Variants in VPS13D observed in about 807,000 individuals in gnomAD.
VPS13D encodes intermembrane lipid transfer protein VPS13D.
VPS13D carries 187 observed loss-of-function variants against 461.9 expected under a neutral mutation model. That is an observed-to-expected ratio of 0.40 (90% CI 0.36 to 0.46). VPS13D has a LOEUF of 0.46. Ranked by LOEUF, VPS13D falls within the 20% of genes least tolerant of loss-of-function variation. The pLI is 0.60. For missense variants in VPS13D, 4,711 were observed against 5,364.9 expected (o/e 0.88, Z 3.81); for synonymous variants, 1,951 against 1,986.3 (o/e 0.98, Z 0.47).
intron 45 of VPS13D, 81 bp downstream of exon 45, chr1:12,349,054 A>G (rs1643739269): frequency 1.2e-6 from 2 of 1,609,076 alleles, no homozygotes; most frequent in African/African-American, 1.3e-5. Context: ...CCCCAGTGGT[A>G]TCTTCCCCAG....
chr1:12,342,365 A>C (rs1323905209), intron 41 of VPS13D, among the ~76,000 whole-genome samples: 1 of 152,178 alleles, frequency 6.6e-6, no homozygotes, highest in African/African-American at 2.4e-5. Context: ...AACAAAGGAG[A>C]CTTTACCTAA....
chr1:12,327,350 A>G (rs1023498940), intron 35 of VPS13D, among the ~76,000 whole-genome samples: 7 of 152,118 alleles, frequency 4.6e-5, no homozygotes, highest in Non-Finnish European at 8.8e-5. Flanking sequence ...GTAGAGAGGG[A>G]TGGCTTCCTG....
chr1:12,383,187 C>T (rs767858316), intron 58 of VPS13D, 32 bp downstream of exon 58: 3 of 1,580,502 alleles, frequency 1.9e-6, no homozygotes, highest in Non-Finnish European at 2.6e-6. Flanking sequence ...TGATGTGAAA[C>T]TCTGTACTTC....
At chr1:12,256,801 A>G (rs575015069) in intron 8 of VPS13D, among the ~76,000 whole-genome samples, 186 bp from the exon 9 acceptor site, 1 of 151,412 alleles carries the variant, frequency 6.6e-6, no homozygotes, top group Non-Finnish European at 1.5e-5. Context: ...ACGGCAATGT[A>G]TAGGCTTAAC....
intron 65 of VPS13D, among the ~76,000 whole-genome samples, chr1:12,421,133 T>C (rs1011287178): frequency 1.3e-5 from 2 of 152,198 alleles, no homozygotes; most frequent in African/African-American, 4.8e-5. Flanking sequence ...TGCCTTTCTT[T>C]CTCATCTCCC....
chr1:12,411,941 C>T (rs1644735658), intron 63 of VPS13D, among the ~76,000 whole-genome samples: 1 of 152,134 alleles, frequency 6.6e-6, no homozygotes, highest in Non-Finnish European at 1.5e-5. Flanking sequence ...GGCTCAGGCT[C>T]AAAGGTCACA....
chr1:12,411,310 TAAC>T (rs1644724814), intron 63 of VPS13D, among the ~76,000 whole-genome samples: 1 of 152,072 alleles, frequency 6.6e-6, no homozygotes, highest in Non-Finnish European at 1.5e-5. Flanking sequence ...TCAGCAATAA[TAAC>T]AGAGAAAAGA....
At position 12,319,365 on chromosome 1, in the gene VPS13D, A is replaced by G. The variant is rs893819945; in HGVS notation, c.7415-132A>G. 61 of 1,261,834 alleles carry G rather than the reference A, an allele frequency of 4.8e-5. 1 individual carries two copies. In the African/African-American group the frequency reaches 8.2e-4, roughly 17 times the overall value. The allele number at this position is 1,261,834 out of a possible 1,614,324, so 78.2% of individuals were successfully genotyped here. On this transcript the variant is annotated intron_variant, in intron 31 of 69. Transcript: ENST00000620676. The stretch of plus-strand genomic sequence containing the variant: ...GATGACACTGTTAGTAAATGTCAGC[A>G]GACATTTTGGAGAAAAATCTTACTG...
At chr1:12,392,811 A>G (rs933604633) in intron 60 of VPS13D, among the ~76,000 whole-genome samples, 9 of 152,152 alleles carry the variant, frequency 5.9e-5, no homozygotes, top group Admixed American at 5.9e-4. Context: ...CTCAAGCACC[A>G]TTGGATCTGC....
chr1:12,244,716 C>G (rs1290474168), intron 5 of VPS13D, 99 bp downstream of exon 5: 6 of 1,168,344 alleles, frequency 5.1e-6, no homozygotes, highest in East Asian at 5.0e-5. Context: ...GTGGGCTCAG[C>G]TGATCTAGGG....
In VPS13D at chr1:12,276,765, C is replaced by T. The variant is rs542724851; in HGVS notation, c.3177C>T (p.Asn1059=). 67 of 1,614,130 alleles carry T rather than the reference C, an allele frequency of 4.2e-5. No individual in the cohort carries two copies. The South Asian group carries it at 5.4e-4, about 13-fold the overall frequency. ...ACTTAACTGATGGAGCTACACTGAA[C>T]GACCGATCAGCTACTAGTGTTTCAC... is the stretch of plus-strand genomic sequence containing the variant. The part of the protein sequence containing the change: ...VAHLTDGATL[N]DRSATSVSLD... Residue 1059 remains asparagine, a synonymous_variant, in exon 19 of 70, where the codon AAC becomes AAT. Transcript: ENST00000620676. This position sits in a 1 kb window ranked among gnomAD's most constrained non-coding sequence, Gnocchi z 4.5.
At chr1:12,239,162 A>G (rs544356723) in intron 2 of VPS13D, among the ~76,000 whole-genome samples, 71 of 152,018 alleles carry the variant, frequency 4.7e-4, no homozygotes, top group African/African-American at 1.7e-3. Context: ...TTTTGGAGAC[A>G]GGGTCTTGCT....
chr1:12,403,950 A>T lies in VPS13D; in HGVS notation c.12007A>T (p.Asn4003Tyr). ...GATCAAGCTAAGTGTGTTCACCTCC[A>T]ACAAGCTCCCATTGGATCTTAAGGT... ...PQIKLSVFTSNKLPLDLKALK... is the reference protein window; with the variant it reads ...PQIKLSVFTSYKLPLDLKALK... Residue 4003 changes from asparagine to tyrosine, a missense_variant, in exon 63 of 70, where the codon AAC (asparagine) becomes TAC (tyrosine). By Grantham distance (143) the Asn-to-Tyr change is moderately radical. Transcript: ENST00000620676. The T allele has an allele frequency of 1.9e-6, 3 of 1,603,324 alleles. No homozygotes were observed. The highest frequency in any genetic ancestry group is 2.5e-6 in the Non-Finnish European group (3 of 1,177,342).
At chr1:12,313,393 C>T (rs903748112) in intron 29 of VPS13D, among the ~76,000 whole-genome samples, 1 of 150,588 alleles carries the variant, frequency 6.6e-6, no homozygotes, top group African/African-American at 2.4e-5. Flanking sequence ...CTGCAACCTC[C>T]ACATCCCTGG....
chr1:12,326,092 C>T (rs567668019), intron 35 of VPS13D, among the ~76,000 whole-genome samples: 26 of 149,938 alleles, frequency 1.7e-4, no homozygotes, highest in Non-Finnish European at 3.5e-4. Context: ...TGTGAAAAGG[C>T]TTGTTTCATG....
chr1:12,279,512 G>A lies in VPS13D; in HGVS notation c.4464G>A (p.Leu1488=). The change falls in exon 20 of 70, where the codon CTG becomes CTA. Residue 1488 remains leucine, a synonymous_variant. Coordinates refer to ENST00000620676, the MANE Select transcript of VPS13D (RefSeq NM_015378.4). The surrounding 1 kb of genome is among the most constrained non-coding windows in gnomAD (Gnocchi z 4.3). ...CTTTTATGCCAGCTTTTCACATCCT[G>A]AACAACACCACCATTCAGTTTAAAC... is the stretch of plus-strand genomic sequence containing the variant. ...SLHRGQAFHI[L]NNTTIQFKLE... 6.3e-7 allele frequency: 1 copy of A among 1,597,754 alleles called. No homozygotes were observed. The highest frequency in any genetic ancestry group is 1.1e-5 in the South Asian group (1 of 88,738).
In VPS13D at chr1:12,425,685, T is replaced by TAGGA. The variant is rs765812762; in HGVS notation, c.12333+8874_12333+8877dup. Reference sequence around the variant, plus strand: ...TCATGTAACTTTCACATATACCCAATAGGAAGGAAGGAAGGAAGGGAGGAA... The same window carrying TAGGA: ...TCATGTAACTTTCACATATACCCAATAGGAAGGAAGGAAGGAAGGAAGGGAGGAA... On this transcript the variant is annotated intron_variant, in intron 65 of 69. Transcript: ENST00000620676. 4.2e-4 allele frequency among the ~76,000 whole-genome samples: 55 copies of TAGGA among 132,372 alleles called. No individual in the cohort carries two copies. The South Asian group carries it at 8.1e-3, about 20-fold the overall frequency. The allele number at this position is 132,372 out of a possible 152,430, so 86.8% of individuals were successfully genotyped here. A position where few individuals can be genotyped will look rare whatever the true frequency, so the allele number is the denominator to read the frequency against.
chr1:12,307,345 G>A (rs894734911), intron 26 of VPS13D, among the ~76,000 whole-genome samples: 2 of 152,198 alleles, frequency 1.3e-5, no homozygotes, highest in Non-Finnish European at 2.9e-5. Context: ...TGTTGAGGCA[G>A]CAAAGAGCTT....
In VPS13D at chr1:12,436,441, G is replaced by C. The variant is rs181738646; in HGVS notation, c.12334-19557G>C. Among the ~76,000 whole-genome samples, 7 of 152,312 alleles carry C rather than the reference G, an allele frequency of 4.6e-5. No homozygotes were observed. The East Asian group carries it at 1.3e-3, about 29-fold the overall frequency. On this transcript the variant is annotated intron_variant, in intron 65 of 69. Coordinates refer to ENST00000620676, the MANE Select transcript of VPS13D (RefSeq NM_015378.4). ...GCAGGACTAGGGAGGGGTCAGTGGAGCTTAGCAGGTGGGCCTCTGGAATGA... is the reference window on the plus strand; with the variant it reads ...GCAGGACTAGGGAGGGGTCAGTGGACCTTAGCAGGTGGGCCTCTGGAATGA...
Sources: allele counts gnomAD v4.1 joint callset (sites outside exome capture counted in the v4.1 genomes callset), GRCh38; gene constraint gnomAD v4.1.1; non-coding constraint Gnocchi (gnomAD v3.1); transcripts MANE v1.5; gene names NCBI Gene and HGNC (gene_info 2026-07-23, HGNC 2026-07-21).